Variants in DENND1A observed in about 807,000 individuals in gnomAD.
DENND1A encodes the protein DENN domain containing 1A, also known as DENN domain-containing protein 1A.
DENND1A carries 51 observed loss-of-function variants against 113.7 expected under a neutral mutation model. The ratio of observed to expected loss-of-function variants is 0.45; its 90% confidence interval spans 0.36 to 0.57. The LOEUF is 0.57. Among genes scored for constraint, DENND1A ranks in the 20% least tolerant of loss-of-function variants. The probability of loss-of-function intolerance (pLI) is 0.00; values close to 1 mark genes in which losing one functional copy is unlikely to be tolerated. For missense variants in DENND1A, 1,258 were observed against 1,395.9 expected (o/e 0.90, Z 1.57); for synonymous variants, 565 against 570.8 (o/e 0.99, Z 0.14).
At chr9:123,636,423 T>C (rs1214956611) in intron 9 of DENND1A, among the ~76,000 whole-genome samples, 4 of 152,072 alleles carry the variant, frequency 2.6e-5, no homozygotes, top group Admixed American at 2.6e-4. Context: ...TTCAAGTGAT[T>C]CTCCTGCCTC....
chr9:123,797,740 T>G (rs1052797034), intron 2 of DENND1A, among the ~76,000 whole-genome samples: 9 of 152,158 alleles, frequency 5.9e-5, no homozygotes, highest in Non-Finnish European at 1.0e-4. Flanking sequence ...ACAAATAATA[T>G]ATTTTTGAAA....
chr9:123,549,563 CAGA>C (rs1233446678), intron 13 of DENND1A, among the ~76,000 whole-genome samples: 1 of 152,090 alleles, frequency 6.6e-6, no homozygotes, highest in Non-Finnish European at 1.5e-5. Flanking sequence ...TTCTTCCACT[CAGA>C]AGGCTTTGAA....
At chr9:123,553,195 T>A (rs926874136) in intron 13 of DENND1A, among the ~76,000 whole-genome samples, 4 of 152,140 alleles carry the variant, frequency 2.6e-5, no homozygotes, top group Non-Finnish European at 5.9e-5. Flanking sequence ...AGGTTGAGGC[T>A]GCCATGAGCC....
chr9:123,638,268 C>T (rs985579254), intron 9 of DENND1A, among the ~76,000 whole-genome samples: 40 of 152,092 alleles, frequency 2.6e-4, no homozygotes, highest in Non-Finnish European at 1.5e-4. Flanking sequence ...TGTAAATAAG[C>T]CCACAGCACC....
At chr9:123,473,339 G>A (rs767797839) in intron 13 of DENND1A, among the ~76,000 whole-genome samples, 9 of 152,132 alleles carry the variant, frequency 5.9e-5, no homozygotes, top group Non-Finnish European at 1.2e-4. Flanking sequence ...GGAGGGCGGA[G>A]GGAGACAGGG....
intron 5 of DENND1A, among the ~76,000 whole-genome samples, chr9:123,727,714 GA>G (rs57183663): frequency 0.096 from 13,918 of 145,504 alleles, 835 homozygotes; most frequent in African/African-American, 0.18. Context: ...ATAAGGGAAA[GA>G]AAAAAAAAAG....
intron 21 of DENND1A, among the ~76,000 whole-genome samples, chr9:123,399,528 C>T (rs949706594): frequency 6.6e-6 from 1 of 152,172 alleles, no homozygotes; most frequent in East Asian, 1.9e-4. Flanking sequence ...CCACCATGCC[C>T]GGCTAATACC....
chr9:123,906,777 G>T (rs1357867542), intron 1 of DENND1A, among the ~76,000 whole-genome samples: 1 of 52,856 alleles, frequency 1.9e-5, no homozygotes, highest in East Asian at 4.6e-4. Flanking sequence ...TCTACCAGAG[G>T]TACAAGGAGG....
At chr9:123,694,599 C>T (rs1276037783) in intron 5 of DENND1A, among the ~76,000 whole-genome samples, 4 of 152,300 alleles carry the variant, frequency 2.6e-5, no homozygotes, top group South Asian at 4.1e-4. Context: ...CTATCTCCCA[C>T]CAAAAGTACA....
At chr9:123,766,251 T>G (rs1333078820) in intron 4 of DENND1A, among the ~76,000 whole-genome samples, 1 of 152,144 alleles carries the variant, frequency 6.6e-6, no homozygotes, top group Non-Finnish European at 1.5e-5. Flanking sequence ...CCATAAGAAG[T>G]TTTCTCTGAC....
intron 13 of DENND1A, among the ~76,000 whole-genome samples, chr9:123,491,280 G>C (rs140380257): frequency 5.3e-5 from 8 of 152,346 alleles, no homozygotes; most frequent in African/African-American, 1.7e-4. Flanking sequence ...TGGATAGAAA[G>C]CTGATGTCCT....
chr9:123,614,182 C>T (rs748178930), intron 10 of DENND1A, among the ~76,000 whole-genome samples: 67 of 152,218 alleles, frequency 4.4e-4, no homozygotes, highest in Non-Finnish European at 8.8e-4. Context: ...GATCGCACAG[C>T]TGGTCAGTGG....
chr9:123,877,009 C>T (rs1847572725), intron 2 of DENND1A, among the ~76,000 whole-genome samples: 1 of 151,930 alleles, frequency 6.6e-6, no homozygotes, highest in Non-Finnish European at 1.5e-5. Context: ...TACACGTGGT[C>T]ATAGAGTGTG....
chr9:123,617,901 G>A (rs1477658771), intron 10 of DENND1A, among the ~76,000 whole-genome samples: 1 of 151,682 alleles, frequency 6.6e-6, no homozygotes, highest in Non-Finnish European at 1.5e-5. Context: ...GAGGCTTATG[G>A]AGAAATAAAT....
intron 9 of DENND1A, 47 bp from the exon 10 acceptor site, chr9:123,630,523 G>T: frequency 1.5e-6 from 2 of 1,304,406 alleles, no homozygotes; most frequent in South Asian, 1.6e-5. Context: ...CAAGGGAGGA[G>T]ACACCGCCAT....
intron 19 of DENND1A, chr9:123,437,751 C>T (rs966365833): frequency 6.6e-6 from 1 of 152,064 alleles, no homozygotes; most frequent in Admixed American, 6.5e-5. Flanking sequence ...CTCTGAGCTC[C>T]AGCTCTGGGT....
intron 5 of DENND1A, among the ~76,000 whole-genome samples, chr9:123,756,664 G>A (rs1021663965): frequency 2.0e-5 from 3 of 152,198 alleles, no homozygotes; most frequent in African/African-American, 7.2e-5. Context: ...TAGCAGTCCA[G>A]ATTGACAGTT....
At chr9:123,690,157 G>T (rs947345670) in intron 5 of DENND1A, among the ~76,000 whole-genome samples, 1 of 138,514 alleles carries the variant, frequency 7.2e-6, no homozygotes, top group African/African-American at 2.7e-5. Context: ...AGGGAGGGAG[G>T]GAGGAAGGAG....
chr9:123,820,338 T>C (rs2132599452), intron 2 of DENND1A, among the ~76,000 whole-genome samples: 1 of 152,362 alleles, frequency 6.6e-6, no homozygotes, highest in African/African-American at 2.4e-5. Flanking sequence ...TTATTGGGTA[T>C]AGGCCTTTAG....
Sources: allele counts gnomAD v4.1 joint callset (sites outside exome capture counted in the v4.1 genomes callset), GRCh38; gene constraint gnomAD v4.1.1; transcripts MANE v1.5; gene names NCBI Gene and HGNC (gene_info 2026-07-23, HGNC 2026-07-21).